Variants in SREBF2 observed in about 807,000 individuals in gnomAD.
SREBF2 encodes the protein sterol regulatory element binding transcription factor 2.
Under a neutral mutation model 113.1 loss-of-function variants are expected in SREBF2, and 55 were observed. The observed-to-expected ratio is 0.49, with a 90% CI of 0.39 to 0.61. SREBF2 has a LOEUF of 0.61. Among genes scored for constraint, SREBF2 ranks in the 20% least tolerant of loss-of-function variants. The pLI is 0.00. For missense variants in SREBF2, 1,349 were observed against 1,487.4 expected, an observed-to-expected ratio of 0.91 and a Z score of 1.53; for synonymous variants, 593 against 605.7, an observed-to-expected ratio of 0.98 and a Z score of 0.31.
intron 1 of SREBF2, among the ~76,000 whole-genome samples, chr22:41,851,571 GCAACCTC>G (rs1163528454): frequency 6.6e-6 from 1 of 152,012 alleles, no homozygotes; most frequent in Non-Finnish European, 1.5e-5. Flanking sequence ...TCGCCTCACT[GCAACCTC>G]CACCTCCCGG....
At chr22:41,893,809 T>C (rs551203527) in intron 12 of SREBF2, among the ~76,000 whole-genome samples, 1 of 152,218 alleles carries the variant, frequency 6.6e-6, no homozygotes, top group African/African-American at 2.4e-5. Flanking sequence ...CATTTGATAG[T>C]GATTGGAGTT....
Position 41,904,814 on chromosome 22 carries a change from A to G in SREBF2, c.3094-49A>G, listed in dbSNP as rs755731537. The G allele has an allele frequency of 7.0e-6, 10 of 1,435,218 alleles. No homozygotes were observed. In the African/African-American group the frequency reaches 1.3e-4, roughly 18 times the overall value. The allele number at this position is 1,435,218 out of a possible 1,614,324, so 88.9% of individuals were successfully genotyped here. On this transcript the variant is annotated intron_variant, in intron 17 of 18. Coordinates refer to ENST00000361204, the MANE Select transcript of SREBF2 (RefSeq NM_004599.4). ...TCAGGGAGAGCTACCCTGGGCATAG[A>G]TGGGTGGGGACCAGGGGTGTGATGG...
At position 41,866,935 on chromosome 22, in the gene SREBF2, G is replaced by GGCAGCAGCAGCA. The variant is rs1569388216; in HGVS notation, c.200_201insCAGCAGCAGCAG (p.Ser67_Gly68insSerSerSerSer). The stretch of plus-strand genomic sequence containing the variant: ...CAGTGGTGGTAGTGGTAGCAGCAGC[G>GGCAGCAGCAGCA]GCAGCAGTGGCAGCAGCAGCAGCAG... On this transcript the variant is annotated inframe_insertion, in exon 2 of 19. Coordinates refer to ENST00000361204, the MANE Select transcript of SREBF2 (RefSeq NM_004599.4). 6.2e-7 allele frequency: 1 copy of GGCAGCAGCAGCA among 1,613,054 alleles called. No individual in the cohort carries two copies. Among genetic ancestry groups the GGCAGCAGCAGCA allele is most frequent in the East Asian group, 2.2e-5 (1 of 44,896 alleles).
At position 41,858,914 on chromosome 22, in the gene SREBF2, C is replaced by T. The variant is rs146314226; in HGVS notation, c.89-7917C>T. Reference sequence around the variant, plus strand: ...ATCCCAGCACTTTGGAAGGCTGAGGCGGGTGGATCACGAGGTCAGGGGTTC... The same window carrying T: ...ATCCCAGCACTTTGGAAGGCTGAGGTGGGTGGATCACGAGGTCAGGGGTTC... On this transcript the variant is annotated intron_variant, in intron 1 of 18. Transcript: ENST00000361204. Among the ~76,000 whole-genome samples the T allele has an allele frequency of 4.6e-3, 696 of 152,158 alleles. 5 individuals are homozygous for T. Among genetic ancestry groups the T allele is most frequent in the Non-Finnish European group, 7.0e-3 (478 of 67,976 alleles).
At position 41,898,659 on chromosome 22, in the gene SREBF2, C is replaced by T; in HGVS notation, c.2616C>T (p.Ile872=). 6.2e-7 allele frequency: 1 copy of T among 1,614,000 alleles called. No homozygotes were observed. Among genetic ancestry groups the T allele is most frequent in the Non-Finnish European group, 8.5e-7 (1 of 1,179,992 alleles). ...SVLKSALGPD[I]ICRWWTSAIT... ...GCTGTTCTCCTCTAGGTCCAGACAT[C>T]ATCTGTCGGTGGTGGACGTCTGCAA... is the stretch of plus-strand genomic sequence containing the variant. Residue 872 remains isoleucine (I), a synonymous_variant, in exon 15 of 19, where the codon ATC becomes ATT. Transcript: ENST00000361204.
At chr22:41,877,486 T>C in intron 8 of SREBF2, 65 bp downstream of exon 8, 3 of 1,567,806 alleles carry the variant, frequency 1.9e-6, no homozygotes, top group Non-Finnish European at 2.6e-6. Flanking sequence ...AAGGACCCTG[T>C]GTACAAACTT....
At chr22:41,838,654 A>G (rs969374319) in intron 1 of SREBF2, among the ~76,000 whole-genome samples, 1 of 152,114 alleles carries the variant, frequency 6.6e-6, no homozygotes, top group Non-Finnish European at 1.5e-5. Flanking sequence ...AATCGCTTGA[A>G]CCTGGGAGGC....
intron 12 of SREBF2, 140 bp from the exon 13 acceptor site, chr22:41,894,680 A>C (rs954667948): frequency 4.7e-5 from 37 of 794,104 alleles, no homozygotes; most frequent in Admixed American, 4.3e-4. Context: ...TGTTTAGCAC[A>C]GTAGTTCTGG....
chr22:41,842,649 G>C (rs2076840487), intron 1 of SREBF2, among the ~76,000 whole-genome samples: 1 of 152,200 alleles, frequency 6.6e-6, no homozygotes, highest in Non-Finnish European at 1.5e-5. Context: ...ATCAAAGCCA[G>C]GGTGGTGCTG....
intron 15 of SREBF2, chr22:41,899,106 A>G: frequency 1.3e-6 from 1 of 741,472 alleles, no homozygotes; most frequent in Non-Finnish European, 1.9e-6. Context: ...CAGCATCTTC[A>G]GAAGCTTTGT....
chr22:41,851,801 G>A (rs946694529), intron 1 of SREBF2, among the ~76,000 whole-genome samples: 1 of 151,098 alleles, frequency 6.6e-6, no homozygotes, highest in Non-Finnish European at 1.5e-5. Flanking sequence ...AGCCAATAAG[G>A]CCTTGCTTCT....
intron 16 of SREBF2, 146 bp from the exon 17 acceptor site, chr22:41,902,824 T>C: frequency 1.1e-6 from 1 of 883,868 alleles, no homozygotes; most frequent in Admixed American, 2.0e-5. Flanking sequence ...CCTCACGTCC[T>C]GCGGAGTTCA....
intron 1 of SREBF2, among the ~76,000 whole-genome samples, chr22:41,851,553 G>T (rs555750618): frequency 6.6e-6 from 1 of 152,168 alleles, no homozygotes; most frequent in Admixed American, 6.5e-5. Flanking sequence ...GAGTGCAATG[G>T]CGCGATCTCG....
chr22:41,835,398 C>A (rs1250901912), intron 1 of SREBF2, among the ~76,000 whole-genome samples: 2 of 148,706 alleles, frequency 1.3e-5, no homozygotes, highest in Admixed American at 6.7e-5. Flanking sequence ...GCAACCTCCA[C>A]CTCCCGAGTT....
Position 41,905,871 on chromosome 22 carries a change from AG to A in SREBF2, c.*213del. On this transcript the variant is annotated 3_prime_UTR_variant, in exon 19 of 19. Coordinates refer to ENST00000361204, the MANE Select transcript of SREBF2 (RefSeq NM_004599.4). The stretch of plus-strand genomic sequence containing the variant: ...TGGTCCAGGGCCTGGTGGGCGTGAG[AG>A]GATAGGTGGCAGGGCAGAAACTGGG... The A allele has an allele frequency of 1.4e-6, 1 of 712,456 alleles. No homozygotes were observed. Among genetic ancestry groups the A allele is most frequent in the Non-Finnish European group, 2.5e-6 (1 of 395,584 alleles). 44.1% of individuals were successfully genotyped at this position (712,456 alleles called of 1,614,324 possible). A position where few individuals can be genotyped will look rare whatever the true frequency, so the allele number is the denominator to read the frequency against.
rs1434280229 is a variant in SREBF2, at chr22:41,837,626, AG to A, written c.88+4270del. ...ATAATCCCAGCACTTTGGGAGGCCG[AG>A]GCGGGTGGATCACCTGAGGTTGGGA... is the stretch of plus-strand genomic sequence containing the variant. On this transcript the variant is annotated intron_variant, in intron 1 of 18. Transcript: ENST00000361204. 2.6e-5 allele frequency among the ~76,000 whole-genome samples: 4 copies of A among 151,394 alleles called. No homozygotes were observed. The East Asian group carries it at 5.8e-4, about 22-fold the overall frequency.
intron 4 of SREBF2, among the ~76,000 whole-genome samples, chr22:41,873,409 G>A (rs1242163630): frequency 1.3e-5 from 2 of 152,122 alleles, no homozygotes; most frequent in African/African-American, 4.8e-5. Context: ...AGGAAAAAAT[G>A]TGTCATACAC....
intron 1 of SREBF2, among the ~76,000 whole-genome samples, chr22:41,864,240 A>C (rs2077050722): frequency 1.1e-5 from 1 of 88,406 alleles, no homozygotes; most frequent in Non-Finnish European, 2.2e-5. Flanking sequence ...ATATATATAT[A>C]TATATATATA....
At position 41,843,844 on chromosome 22, in the gene SREBF2, T is replaced by TAAA. The variant is rs769811734; in HGVS notation, c.88+10498_88+10500dup. Among the ~76,000 whole-genome samples, 4 of 138,346 alleles carry TAAA rather than the reference T, an allele frequency of 2.9e-5. No individual in the cohort carries two copies. The East Asian group carries it at 8.2e-4, about 28-fold the overall frequency. 90.8% of individuals were successfully genotyped at this position (138,346 alleles called of 152,430 possible). A position where few individuals can be genotyped will look rare whatever the true frequency, so the allele number is the denominator to read the frequency against. On this transcript the variant is annotated intron_variant, in intron 1 of 18. Transcript: ENST00000361204. ...ACAACATAGTGAGACCCCATTTCTG[T>TAAA]AAAAAAAAAAAAAATACAAAAATTA...
Sources: allele counts gnomAD v4.1 joint callset (sites outside exome capture counted in the v4.1 genomes callset), GRCh38; gene constraint gnomAD v4.1.1; transcripts MANE v1.5; gene names NCBI Gene and HGNC (gene_info 2026-07-23, HGNC 2026-07-21).